Variants in BACH2 observed in about 807,000 individuals in gnomAD.
BACH2 encodes the protein transcription regulator protein BACH2.
A neutral mutation model predicts 61.8 loss-of-function variants in BACH2; 5 were observed. The observed-to-expected ratio is 0.08, with a 90% CI of 0.04 to 0.17. The LOEUF is 0.17. BACH2 is among the 10% of genes least tolerant of loss of function. BACH2 has a pLI of 1.00. For missense variants in BACH2, 824 were observed against 1,091.1 expected (o/e 0.76, Z 3.45); for synonymous variants, 446 against 440.1 (o/e 1.01, Z -0.17).
intron 4 of BACH2, among the ~76,000 whole-genome samples, chr6:90,202,113 G>A (rs1050237401): frequency 3.9e-5 from 6 of 152,236 alleles, no homozygotes; most frequent in South Asian, 4.1e-4. Flanking sequence ...CCTTTGCTAC[G>A]TTCATAATGT....
At chr6:90,158,358 T>C (rs1478521391) in intron 4 of BACH2, among the ~76,000 whole-genome samples, 1 of 152,218 alleles carries the variant, frequency 6.6e-6, no homozygotes, top group East Asian at 1.9e-4. Flanking sequence ...CAAATGGCCA[T>C]TCCCCTTCCT....
chr6:90,191,625 C>T (rs571650983), intron 4 of BACH2, among the ~76,000 whole-genome samples: 1 of 152,300 alleles, frequency 6.6e-6, no homozygotes, highest in East Asian at 1.9e-4. Context: ...TATCTAGACA[C>T]GTGATTATTG....
At position 90,170,458 on chromosome 6, in the gene BACH2, G is replaced by A. The variant is rs573699690; in HGVS notation, c.-162+36111C>T. Among the ~76,000 whole-genome samples the A allele has an allele frequency of 2.7e-4, 41 of 152,250 alleles. No homozygotes were observed. The South Asian group carries it at 7.9e-3, about 29-fold the overall frequency. On this transcript the variant is annotated intron_variant, in intron 4 of 8. Coordinates refer to ENST00000257749, the MANE Select transcript of BACH2 (RefSeq NM_021813.4). Reference sequence around the variant, plus strand: ...TCTGCTTTAATCACTGATACATCTTGTCTCCAGCACCTAAAATGTAGGGGC... The same window carrying A: ...TCTGCTTTAATCACTGATACATCTTATCTCCAGCACCTAAAATGTAGGGGC...
chr6:90,063,208 A>G, intron 5 of BACH2, among the ~76,000 whole-genome samples: 1 of 152,218 alleles, frequency 6.6e-6, no homozygotes, highest in East Asian at 1.9e-4. Context: ...AATTAAGTGA[A>G]GTGTTGGGTT....
In BACH2 at chr6:89,951,459, G is replaced by T; in HGVS notation, c.647C>A (p.Thr216Asn). ...CGCGTCCTTTTCTGAGCTCTCCTTGGTGTCTGTGGGCACGTCAGGCTCGGG... is the reference window on the plus strand; with the variant it reads ...CGCGTCCTTTTCTGAGCTCTCCTTGTTGTCTGTGGGCACGTCAGGCTCGGG... ...LLPEPDVPTD[T>N]KESSEKDALT... Residue 216 changes from threonine (T) to asparagine (N), a missense_variant, in exon 7 of 9, where the codon ACC (threonine) becomes AAC (asparagine). Transcript: ENST00000257749. The surrounding 1 kb of genome is among the most constrained non-coding windows in gnomAD (Gnocchi z 6.4). 6.2e-7 allele frequency: 1 copy of T among 1,614,208 alleles called. No individual in the cohort carries two copies. The highest frequency in any genetic ancestry group is 1.1e-5 in the South Asian group (1 of 91,088).
intron 6 of BACH2, among the ~76,000 whole-genome samples, chr6:90,003,067 C>A (rs1362634974): frequency 6.6e-6 from 1 of 152,232 alleles, no homozygotes; most frequent in Non-Finnish European, 1.5e-5. Flanking sequence ...GCTGTCTTAG[C>A]CTCTTGTGTC....
At chr6:90,249,927 T>C (rs192865455) in intron 3 of BACH2, among the ~76,000 whole-genome samples, 205 of 152,314 alleles carry the variant, frequency 1.3e-3, no homozygotes, top group Non-Finnish European at 1.8e-3. Context: ...GTTTATTTAA[T>C]AGGTGGTAGG....
At chr6:90,108,813 C>T (rs1350203228) in intron 4 of BACH2, among the ~76,000 whole-genome samples, 2 of 152,166 alleles carry the variant, frequency 1.3e-5, no homozygotes, top group Non-Finnish European at 2.9e-5. Flanking sequence ...TTAGCTATTC[C>T]CCAGTTAACC....
chr6:90,244,431 G>A (rs1184899092), intron 3 of BACH2, among the ~76,000 whole-genome samples: 1 of 152,170 alleles, frequency 6.6e-6, no homozygotes, highest in Non-Finnish European at 1.5e-5. Context: ...GTGAAGTCAA[G>A]CAGAAACTCT....
intron 4 of BACH2, among the ~76,000 whole-genome samples, chr6:90,143,275 T>G (rs1784520743): frequency 1.3e-5 from 2 of 151,994 alleles, no homozygotes; most frequent in South Asian, 4.2e-4. Context: ...GAAGGAAAAA[T>G]TAATAGTAAC....
rs1012844743 is a variant in BACH2 at position 90,049,361 on chromosome 6, C to T, written c.-13+39600G>A. On this transcript the variant is annotated intron_variant, in intron 5 of 8. Coordinates refer to ENST00000257749, the MANE Select transcript of BACH2 (RefSeq NM_021813.4). ...ATGATAGGAAGTCACTGGGTGACTA[C>T]GGATGACAGACCTCTCTGAGGTCAT... Among the ~76,000 whole-genome samples, 4 of 152,214 alleles carry T rather than the reference C, an allele frequency of 2.6e-5. No individual in the cohort carries two copies. The South Asian group carries it at 8.3e-4, about 32-fold the overall frequency.
At chr6:90,207,816 T>C (rs1206712158) in intron 3 of BACH2, among the ~76,000 whole-genome samples, 2 of 152,218 alleles carry the variant, frequency 1.3e-5, no homozygotes, top group Admixed American at 6.5e-5. Flanking sequence ...GAGAATAACA[T>C]GTCTGCTAAC....
chr6:90,063,897 T>C (rs894838282), intron 5 of BACH2, among the ~76,000 whole-genome samples: 1 of 152,220 alleles, frequency 6.6e-6, no homozygotes, highest in Non-Finnish European at 1.5e-5. Context: ...ATATATCTTA[T>C]AGTTGGTGGC....
At chr6:90,168,582 T>G (rs1562484700) in intron 4 of BACH2, among the ~76,000 whole-genome samples, 1 of 152,200 alleles carries the variant, frequency 6.6e-6, no homozygotes, top group Non-Finnish European at 1.5e-5. Context: ...CAAATGATTC[T>G]GGTAGCCCTT....
Position 90,249,190 on chromosome 6 carries a change from T to C in BACH2, c.-275+3323A>G, listed in dbSNP as rs1662039304. Among the ~76,000 whole-genome samples the C allele has an allele frequency of 2.0e-5, 3 of 152,186 alleles. No individual in the cohort carries two copies. In the South Asian group the frequency reaches 6.2e-4, roughly 32 times the overall value. On this transcript the variant is annotated intron_variant, in intron 3 of 8. Coordinates refer to ENST00000257749, the MANE Select transcript of BACH2 (RefSeq NM_021813.4). ...CCACAATTTGGAAGATGAGTGACTGTCTTTGCCATGGGAGCAGAGTGAGGG... is the reference window on the plus strand; with the variant it reads ...CCACAATTTGGAAGATGAGTGACTGCCTTTGCCATGGGAGCAGAGTGAGGG...
rs1771083188 is a variant in BACH2 at position 90,259,294 on chromosome 6, T to C, written c.-352-6704A>G. On this transcript the variant is annotated intron_variant, in intron 2 of 8. Transcript: ENST00000257749. Reference sequence around the variant, plus strand: ...TTTCTCAATAAAGGATGTTGGACTTTGTCAAATGCTTTTTCTGTGTCAATT... The same window carrying C: ...TTTCTCAATAAAGGATGTTGGACTTCGTCAAATGCTTTTTCTGTGTCAATT... Among the ~76,000 whole-genome samples the C allele has an allele frequency of 2.6e-5, 4 of 152,230 alleles. No individual in the cohort carries two copies. The South Asian group carries it at 6.2e-4, about 24-fold the overall frequency.
intron 2 of BACH2, among the ~76,000 whole-genome samples, chr6:90,254,036 C>T (rs2127871690): frequency 6.6e-6 from 1 of 152,160 alleles, no homozygotes; most frequent in Non-Finnish European, 1.5e-5. Flanking sequence ...TATCTACATT[C>T]ATTTATAAAA....
intron 4 of BACH2, among the ~76,000 whole-genome samples, chr6:90,184,597 A>G (rs986112221): frequency 1.3e-5 from 2 of 152,200 alleles, no homozygotes; most frequent in Non-Finnish European, 2.9e-5. Flanking sequence ...GGAGGACCAT[A>G]TGAAGTTTCA....
intron 5 of BACH2, among the ~76,000 whole-genome samples, chr6:90,061,926 C>A (rs899511354): frequency 2.0e-5 from 3 of 152,022 alleles, no homozygotes; most frequent in African/African-American, 7.3e-5. Flanking sequence ...CTAGATAATA[C>A]CTATAGACAA....
Sources: gnomAD v4.1 joint callset for allele counts (sites outside exome capture counted in the v4.1 genomes callset) on GRCh38, gnomAD v4.1.1 for gene constraint, Gnocchi (gnomAD v3.1) non-coding constraint, MANE v1.5 for transcripts, NCBI Gene and HGNC (gene_info 2026-07-23, HGNC 2026-07-21) for gene names.